Variants in ACVR2A observed in about 807,000 individuals in gnomAD.
ACVR2A encodes the protein activin receptor type-2A.
ACVR2A carries 7 observed loss-of-function variants against 61.4 expected under a neutral mutation model. The observed-to-expected ratio is 0.11, with a 90% CI of 0.06 to 0.21. The LOEUF is 0.21. ACVR2A is among the 10% of genes least tolerant of loss of function. The probability of loss-of-function intolerance (pLI) is 1.00; values close to 1 mark genes in which losing one functional copy is unlikely to be tolerated. For missense variants in ACVR2A, 322 were observed against 621.7 expected (o/e 0.52, Z 5.13); for synonymous variants, 193 against 208.3 (o/e 0.93, Z 0.63).
At chr2:147,901,250 A>G (rs1686865960) in intron 4 of ACVR2A, among the ~76,000 whole-genome samples, 1 of 152,020 alleles carries the variant, frequency 6.6e-6, no homozygotes, top group Admixed American at 6.6e-5. Context: ...TAGAAGAGAG[A>G]GTATTCAGTA....
chr2:147,854,849 C>T (rs562730580), intron 1 of ACVR2A, among the ~76,000 whole-genome samples: 1 of 152,130 alleles, frequency 6.6e-6, no homozygotes, highest in Non-Finnish European at 1.5e-5. Flanking sequence ...CTTTATTTGC[C>T]TTATCACATA....
intron 1 of ACVR2A, among the ~76,000 whole-genome samples, chr2:147,860,985 G>A (rs1445978416): frequency 6.6e-6 from 1 of 152,152 alleles, no homozygotes; most frequent in Non-Finnish European, 1.5e-5. Context: ...GTTCAGCTTA[G>A]GTTAAGAGTA....
chr2:147,926,740 ATAT>A (rs1687508975), intron 10 of ACVR2A, among the ~76,000 whole-genome samples: 2 of 151,888 alleles, frequency 1.3e-5, no homozygotes, highest in Admixed American at 6.6e-5. Context: ...AGAAATGCTG[ATAT>A]TAACTAAGAA....
intron 5 of ACVR2A, 66 bp downstream of exon 5, chr2:147,915,400 A>G (rs1687225641): frequency 3.8e-6 from 6 of 1,588,474 alleles, no homozygotes; most frequent in African/African-American, 2.7e-5. Flanking sequence ...TAACTCAGAA[A>G]TAGTCTCAAA....
chr2:147,879,508 A>C (rs1424942), intron 1 of ACVR2A, among the ~76,000 whole-genome samples: 1 of 152,118 alleles, frequency 6.6e-6, no homozygotes, highest in Non-Finnish European at 1.5e-5. Flanking sequence ...CTCAATGTTT[A>C]AGTCCACTCC....
chr2:147,852,167 A>T (rs1414524597), intron 1 of ACVR2A, among the ~76,000 whole-genome samples: 1 of 152,042 alleles, frequency 6.6e-6, no homozygotes, highest in East Asian at 1.9e-4. Flanking sequence ...TGGCTTTCAT[A>T]CTTTTTTGAC....
intron 9 of ACVR2A, among the ~76,000 whole-genome samples, chr2:147,925,472 C>G (rs942436427): frequency 6.6e-6 from 1 of 151,862 alleles, no homozygotes; most frequent in Non-Finnish European, 1.5e-5. Context: ...GTTGGAGAGC[C>G]TGTTTGTGAT....
intron 1 of ACVR2A, among the ~76,000 whole-genome samples, chr2:147,869,412 G>T (rs752333052): frequency 7.9e-5 from 12 of 152,126 alleles, no homozygotes; most frequent in Non-Finnish European, 1.6e-4. Flanking sequence ...CAAGACCCTC[G>T]CAGTTGTGTT....
At chr2:147,913,532 G>A (rs3768688) in intron 4 of ACVR2A, among the ~76,000 whole-genome samples, 58,784 of 151,552 alleles carry the variant, frequency 0.39, 11,880 homozygotes, top group South Asian at 0.51. Context: ...TTCCTTTCCT[G>A]TAGAAGAGTT....
intron 1 of ACVR2A, among the ~76,000 whole-genome samples, chr2:147,870,123 G>C (rs935022403): frequency 1.3e-5 from 2 of 151,906 alleles, no homozygotes; most frequent in Non-Finnish European, 2.9e-5. Context: ...GTGTTGTCAG[G>C]TGTGTGAGAA....
intron 1 of ACVR2A, among the ~76,000 whole-genome samples, chr2:147,862,044 C>CTA (rs1685739251): frequency 6.6e-6 from 1 of 152,146 alleles, no homozygotes; most frequent in Non-Finnish European, 1.5e-5. Flanking sequence ...GGAGCTAGAA[C>CTA]TAAAACCCTG....
chr2:147,899,506 C>T lies in ACVR2A; in HGVS notation c.312C>T (p.Cys104=). Residue 104 remains cysteine, a synonymous_variant, in exon 3 of 11, where the codon TGC becomes TGT. Coordinates refer to ENST00000241416, the MANE Select transcript of ACVR2A (RefSeq NM_001616.5). ...KKDSPEVYFC[C]CEGNMCNEKF... ...ACAGCCCTGAAGTATATTTTTGTTG[C>T]TGTGAGGGCAATATGTGTAATGAAA... 6.2e-7 allele frequency: 1 copy of T among 1,612,964 alleles called. No homozygotes were observed. The highest frequency in any genetic ancestry group is 1.1e-5 in the South Asian group (1 of 90,948).
Position 147,930,740 on chromosome 2 carries a change from G to C in ACVR2A, c.*3466G>C, listed in dbSNP as rs1687673861. 1 of 152,102 alleles carries C rather than the reference G, an allele frequency of 6.6e-6. No individual in the cohort carries two copies. The highest frequency in any genetic ancestry group is 2.4e-5 in the African/African-American group (1 of 41,288). The allele number at this position is 152,102 out of a possible 1,614,324, so 9.4% of individuals were successfully genotyped here. On this transcript the variant is annotated 3_prime_UTR_variant, in exon 11 of 11. Transcript: ENST00000241416. ...AAAATCCCCATAAAACCCCACCTTG[G>C]ATAAGTGATTGTTAAATATTGTACA...
intron 8 of ACVR2A, among the ~76,000 whole-genome samples, chr2:147,921,314 C>T (rs1469471156): frequency 2.0e-5 from 3 of 152,092 alleles, no homozygotes; most frequent in African/African-American, 7.2e-5. Flanking sequence ...GGATTATAGG[C>T]GTGAGCCACC....
chr2:147,923,121 A>G lies in ACVR2A; in HGVS notation c.1216+10A>G, dbSNP rs915557977. On this transcript the variant is annotated intron_variant, in intron 9 of 10. Coordinates refer to ENST00000241416, the MANE Select transcript of ACVR2A (RefSeq NM_001616.5). ...TGTACTGCTGCAGATGGTAAGGGAA[A>G]AAAATATTTTTAAAAAAGATATATA... The G allele has an allele frequency of 1.9e-6, 3 of 1,601,548 alleles. No homozygotes were observed. The highest frequency in any genetic ancestry group is 2.6e-6 in the Non-Finnish European group (3 of 1,175,990).
At chr2:147,853,620 A>G (rs1685497493) in intron 1 of ACVR2A, among the ~76,000 whole-genome samples, 1 of 152,126 alleles carries the variant, frequency 6.6e-6, no homozygotes, top group South Asian at 2.1e-4. Flanking sequence ...AATGTAAAGC[A>G]AGAAGAGAGT....
intron 1 of ACVR2A, among the ~76,000 whole-genome samples, chr2:147,892,916 T>C (rs1686623119): frequency 6.6e-6 from 1 of 152,110 alleles, no homozygotes; most frequent in African/African-American, 2.4e-5. Context: ...TTTATTTACA[T>C]AGAATAAAAT....
chr2:147,859,561 C>T (rs149705012), intron 1 of ACVR2A, among the ~76,000 whole-genome samples: 5 of 151,366 alleles, frequency 3.3e-5, no homozygotes, highest in African/African-American at 1.2e-4. Context: ...TGTGAAACTT[C>T]AGTTGTGTGT....
At position 147,917,318 on chromosome 2, in the gene ACVR2A, C is replaced by T. The variant is rs762247767; in HGVS notation, c.708C>T (p.Tyr236=). 1.9e-6 allele frequency: 3 copies of T among 1,612,156 alleles called. No homozygotes were observed. In the Admixed American group the frequency reaches 5.0e-5, roughly 27 times the overall value. Residue 236 remains tyrosine (Y), a synonymous_variant, in exon 6 of 11, where the codon TAC becomes TAT. Coordinates refer to ENST00000241416, the MANE Select transcript of ACVR2A (RefSeq NM_001616.5). ...KQSWQNEYEV[Y]SLPGMKHENI... is the part of the protein sequence containing the mutation. ...CATGGCAAAATGAATACGAAGTCTA[C>T]AGTTTGCCTGGAATGAAGCATGAGA...
Sources: gnomAD v4.1 joint callset for allele counts (sites outside exome capture counted in the v4.1 genomes callset) on GRCh38, gnomAD v4.1.1 for gene constraint, MANE v1.5 for transcripts, NCBI Gene and HGNC (gene_info 2026-07-23, HGNC 2026-07-21) for gene names.